FOXO3: variants seen among roughly 807,000 people sequenced by gnomAD.
The protein encoded by FOXO3 is forkhead box O3, also known as forkhead box protein O3.
A neutral mutation model predicts 41.9 loss-of-function variants in FOXO3; 4 were observed. The ratio of observed to expected loss-of-function variants is 0.10; its 90% CI spans 0.05 to 0.22. FOXO3 has a LOEUF of 0.22. Among genes scored for constraint, FOXO3 ranks in the 10% least tolerant of loss-of-function variants. The pLI is 1.00. For missense variants in FOXO3, 534 were observed against 906.8 expected, an observed-to-expected ratio of 0.59 and a Z score of 5.28; for synonymous variants, 318 against 389.3, an observed-to-expected ratio of 0.82 and a Z score of 2.16.
chr6:108,662,958 C>T (rs900746242), intron 1 of FOXO3, among the ~76,000 whole-genome samples: 1 of 152,136 alleles, frequency 6.6e-6, no homozygotes, highest in Non-Finnish European at 1.5e-5. Context: ...ATCTCCCTTC[C>T]CCCTAGATAT....
rs1482718108 is a variant in FOXO3 at position 108,664,240 on chromosome 6, A to G, written c.1407A>G (p.Thr469=). 2.5e-6 allele frequency: 4 copies of G among 1,608,654 alleles called. No homozygotes were observed. Residue 469 remains threonine, a synonymous_variant, in exon 2 of 3, where the codon ACA becomes ACG. Coordinates refer to ENST00000406360, the MANE Select transcript of FOXO3 (RefSeq NM_001455.4). Reference sequence around the variant, plus strand: ...CCATGTCACACTATGGTAACCAGACACTCCAGGACCTGCTCACTTCGGACT... The same window carrying G: ...CCATGTCACACTATGGTAACCAGACGCTCCAGGACCTGCTCACTTCGGACT... ...FSSMSHYGNQ[T]LQDLLTSDSL... is the part of the protein sequence containing the mutation.
At chr6:108,654,467 C>A (rs1479856941) in intron 1 of FOXO3, among the ~76,000 whole-genome samples, 1 of 152,012 alleles carries the variant, frequency 6.6e-6, no homozygotes, top group Non-Finnish European at 1.5e-5. Flanking sequence ...TGTACCCAGC[C>A]CTTTCTCCCC....
intron 1 of FOXO3, among the ~76,000 whole-genome samples, chr6:108,631,674 A>G (rs1259314898): frequency 1.3e-5 from 2 of 152,056 alleles, no homozygotes; most frequent in Non-Finnish European, 2.9e-5. Context: ...TCACTTCTGT[A>G]TACTTCAGTG....
intron 2 of FOXO3, among the ~76,000 whole-genome samples, chr6:108,677,401 G>T (rs542061060): frequency 3.2e-4 from 48 of 152,240 alleles, no homozygotes; most frequent in African/African-American, 1.1e-3. Context: ...CTCTGTTAGG[G>T]GCTCATGGGT....
chr6:108,650,411 A>G lies in FOXO3; in HGVS notation c.622-13044A>G, dbSNP rs190315595. Among the ~76,000 whole-genome samples, 100 of 152,166 alleles carry G rather than the reference A, an allele frequency of 6.6e-4. No individual in the cohort carries two copies. In the East Asian group the frequency reaches 0.01, roughly 16 times the overall value. On this transcript the variant is annotated intron_variant, in intron 1 of 2. Transcript: ENST00000406360. ...AGGCACCCAGTTATAGGAATTTTCT[A>G]TTTCTACTGTGTGTTCAGCTTTTAT...
rs141613172 is a variant in FOXO3, at chr6:108,594,942, G to A, written c.621+33113G>A. 6.0e-3 allele frequency among the ~76,000 whole-genome samples: 918 copies of A among 152,310 alleles called. 3 individuals are homozygous for A. The highest frequency in any genetic ancestry group is 0.014 in the Middle Eastern group (4 of 294). On this transcript the variant is annotated intron_variant, in intron 1 of 2. Transcript: ENST00000406360. The stretch of plus-strand genomic sequence containing the variant: ...TGTGCTTATGCAACCTTTTCAGCAC[G>A]TTGGTACCTACGTGTCAGGGACAAT...
At chr6:108,618,398 G>A in intron 1 of FOXO3, 1 of 498,314 alleles carries the variant, frequency 2.0e-6, no homozygotes, top group Non-Finnish European at 3.7e-6. Flanking sequence ...AGCAGCAGCA[G>A]ATGAAGGAGA....
At chr6:108,655,205 A>G (rs930058665) in intron 1 of FOXO3, among the ~76,000 whole-genome samples, 3 of 152,208 alleles carry the variant, frequency 2.0e-5, no homozygotes, top group Admixed American at 6.5e-5. Flanking sequence ...GACTGTCCCC[A>G]AGGCAGGGTA....
chr6:108,607,033 C>T (rs988958225), intron 1 of FOXO3, among the ~76,000 whole-genome samples: 2 of 152,210 alleles, frequency 1.3e-5, no homozygotes, highest in African/African-American at 4.8e-5. Context: ...CACTGTTTCT[C>T]AGACTTGGGG....
At chr6:108,615,902 G>A (rs963676837) in intron 1 of FOXO3, among the ~76,000 whole-genome samples, 1 of 151,838 alleles carries the variant, frequency 6.6e-6, no homozygotes, top group African/African-American at 2.4e-5. Flanking sequence ...TTCTTTACTA[G>A]AAGTACCACT....
At chr6:108,586,738 G>A (rs923956599) in intron 1 of FOXO3, among the ~76,000 whole-genome samples, 1 of 152,002 alleles carries the variant, frequency 6.6e-6, no homozygotes, top group African/African-American at 2.4e-5. Flanking sequence ...AGAAGGGGAT[G>A]GTTGAGGGGA....
At chr6:108,595,652 G>C (rs571396334) in intron 1 of FOXO3, among the ~76,000 whole-genome samples, 2 of 152,112 alleles carry the variant, frequency 1.3e-5, no homozygotes, top group South Asian at 4.1e-4. Flanking sequence ...GAAAAGAAAG[G>C]ATCAAAGAAA....
intron 1 of FOXO3, among the ~76,000 whole-genome samples, chr6:108,628,856 A>G (rs544380440): frequency 2.0e-5 from 3 of 152,278 alleles, no homozygotes; most frequent in East Asian, 1.9e-4. Flanking sequence ...ACTTTACACA[A>G]TAAGTTCTTG....
At chr6:108,617,544 T>C (rs996158260) in intron 1 of FOXO3, among the ~76,000 whole-genome samples, 1 of 152,224 alleles carries the variant, frequency 6.6e-6, no homozygotes, top group Admixed American at 6.5e-5. Context: ...AAAAAAGTTA[T>C]AAAATTGTCC....
At chr6:108,624,260 G>A (rs948906403) in intron 1 of FOXO3, among the ~76,000 whole-genome samples, 2 of 151,732 alleles carry the variant, frequency 1.3e-5, no homozygotes, top group Non-Finnish European at 2.9e-5. Flanking sequence ...GAATTTTAGG[G>A]TGTATCTCTT....
intron 2 of FOXO3, among the ~76,000 whole-genome samples, chr6:108,671,206 G>T (rs1779207830): frequency 6.6e-6 from 1 of 152,168 alleles, no homozygotes; most frequent in Admixed American, 6.5e-5. Context: ...GACTTGAGGA[G>T]CTCCATACTA....
At chr6:108,645,275 T>C (rs1266243957) in intron 1 of FOXO3, among the ~76,000 whole-genome samples, 1 of 152,180 alleles carries the variant, frequency 6.6e-6, no homozygotes, top group Non-Finnish European at 1.5e-5. Flanking sequence ...TATTTTCTGA[T>C]AGTTTTGTGA....
chr6:108,590,625 C>G (rs1776709305), intron 1 of FOXO3, among the ~76,000 whole-genome samples: 1 of 151,974 alleles, frequency 6.6e-6, no homozygotes, highest in Non-Finnish European at 1.5e-5. Context: ...TGAAACACTT[C>G]CAGGTAATTT....
intron 1 of FOXO3, among the ~76,000 whole-genome samples, chr6:108,593,734 T>TTTA (rs1776796325): frequency 6.9e-6 from 1 of 144,602 alleles, no homozygotes; most frequent in African/African-American, 2.6e-5. Context: ...TTTTTTTTTT[T>TTTA]GAGATGTAGT....
Sources: gnomAD v4.1 joint callset for allele counts (sites outside exome capture counted in the v4.1 genomes callset) on GRCh38, gnomAD v4.1.1 for gene constraint, MANE v1.5 for transcripts, NCBI Gene and HGNC (gene_info 2026-07-23, HGNC 2026-07-21) for gene names.